Variants in VWA3B observed in about 807,000 individuals in gnomAD.
The protein encoded by VWA3B is von Willebrand factor A domain-containing protein 3B.
Under a neutral mutation model 158.3 loss-of-function variants are expected in VWA3B, and 138 were observed. The ratio of observed to expected loss-of-function variants is 0.87; its 90% CI spans 0.76 to 1.00. VWA3B has a LOEUF of 1.00. VWA3B is among the 50% of genes least tolerant of loss of function. The probability of loss-of-function intolerance (pLI) is 0.00; values close to 1 mark genes in which losing one functional copy is unlikely to be tolerated. For missense variants in VWA3B, 1,555 were observed against 1,565.1 expected (o/e 0.99, Z 0.11); for synonymous variants, 596 against 587.3 (o/e 1.01, Z -0.21).
chr2:98,301,461 A>G (rs1441535339), intron 25 of VWA3B, among the ~76,000 whole-genome samples: 2 of 152,232 alleles, frequency 1.3e-5, no homozygotes, highest in African/African-American at 2.4e-5. Context: ...TTATCTATGT[A>G]TACCCTACAG....
chr2:98,216,350 A>T (rs1683986318), intron 13 of VWA3B, among the ~76,000 whole-genome samples: 2 of 152,344 alleles, frequency 1.3e-5, no homozygotes, highest in South Asian at 4.1e-4. Flanking sequence ...TCATTTTGGG[A>T]ATTCTTTAAA....
At chr2:98,243,579 C>T (rs187479142) in intron 19 of VWA3B, among the ~76,000 whole-genome samples, 365 of 152,204 alleles carry the variant, frequency 2.4e-3, no homozygotes, top group Non-Finnish European at 3.9e-3. Context: ...TGTGATCCAC[C>T]TGCCTCGCTC....
intron 12 of VWA3B, among the ~76,000 whole-genome samples, chr2:98,203,911 A>G (rs1325470565): frequency 6.6e-6 from 1 of 152,250 alleles, no homozygotes; most frequent in Non-Finnish European, 1.5e-5. Context: ...TAAATGGTAA[A>G]AATCATAACA....
intron 5 of VWA3B, among the ~76,000 whole-genome samples, chr2:98,127,208 T>C (rs1209369471): frequency 1.3e-5 from 2 of 152,218 alleles, no homozygotes; most frequent in Non-Finnish European, 2.9e-5. Flanking sequence ...TGAGAGGATA[T>C]GGATTCCTGG....
chr2:98,261,069 AT>A (rs1212440861), intron 21 of VWA3B, among the ~76,000 whole-genome samples: 1 of 151,652 alleles, frequency 6.6e-6, no homozygotes, highest in Non-Finnish European at 1.5e-5. Flanking sequence ...CCATTGTGCT[AT>A]TTGTTTTGCA....
intron 3 of VWA3B, 150 bp from the exon 4 acceptor site, chr2:98,119,363 A>T: frequency 1.2e-6 from 1 of 862,920 alleles, no homozygotes; most frequent in South Asian, 1.9e-5. Context: ...TTTTCTGTTG[A>T]AAGACTGGAA....
At chr2:98,209,109 G>A (rs1333850799) in intron 12 of VWA3B, among the ~76,000 whole-genome samples, 1 of 151,862 alleles carries the variant, frequency 6.6e-6, no homozygotes, top group South Asian at 2.1e-4. Flanking sequence ...CTCTTTTATA[G>A]GTAACGTGTT....
At chr2:98,120,786 T>C (rs1674896116) in intron 4 of VWA3B, among the ~76,000 whole-genome samples, 1 of 152,236 alleles carries the variant, frequency 6.6e-6, no homozygotes, top group Non-Finnish European at 1.5e-5. Context: ...TAAAAACTAA[T>C]ACTCTGTTGA....
At chr2:98,166,769 G>A (rs1375911926) in intron 8 of VWA3B, among the ~76,000 whole-genome samples, 1 of 144,396 alleles carries the variant, frequency 6.9e-6, no homozygotes, top group Non-Finnish European at 1.5e-5. Context: ...ACTGGGCAAT[G>A]ATGTATCAGT....
At chr2:98,167,927 T>G (rs1000418141) in intron 8 of VWA3B, among the ~76,000 whole-genome samples, 1 of 152,174 alleles carries the variant, frequency 6.6e-6, no homozygotes, top group Non-Finnish European at 1.5e-5. Flanking sequence ...TGGGCCCTCC[T>G]AAGAAATCAT....
At chr2:98,304,892 C>T (rs1219757058) in intron 26 of VWA3B, among the ~76,000 whole-genome samples, 1 of 152,144 alleles carries the variant, frequency 6.6e-6, no homozygotes, top group Non-Finnish European at 1.5e-5. Flanking sequence ...CCAGCATGCT[C>T]CCTGCCCTTC....
chr2:98,219,667 A>T (rs926195954), intron 14 of VWA3B, among the ~76,000 whole-genome samples: 13 of 152,226 alleles, frequency 8.5e-5, no homozygotes, highest in African/African-American at 2.9e-4. Flanking sequence ...GCAATGACAA[A>T]GAGAACATCT....
intron 7 of VWA3B, among the ~76,000 whole-genome samples, chr2:98,144,274 G>A (rs1459049481): frequency 2.6e-5 from 4 of 151,960 alleles, no homozygotes; most frequent in Non-Finnish European, 5.9e-5. Context: ...TGTCATTATT[G>A]TCATAACCAT....
At chr2:98,314,324 GAGGAAATT>G (rs1295044285), downstream of VWA3B, among the ~76,000 whole-genome samples, 2 of 152,242 alleles carry the variant, frequency 1.3e-5, no homozygotes, top group Non-Finnish European at 2.9e-5. Flanking sequence ...GCATGGCTGT[GAGGAAATT>G]ACTGAAGACC....
intron 22 of VWA3B, among the ~76,000 whole-genome samples, chr2:98,286,157 A>G (rs1689154480): frequency 6.6e-6 from 1 of 152,090 alleles, no homozygotes. Flanking sequence ...TTGTTAATTA[A>G]TTCTAGTAGT....
chr2:98,139,401 G>A (rs929651762), intron 7 of VWA3B, among the ~76,000 whole-genome samples: 37 of 152,368 alleles, frequency 2.4e-4, no homozygotes, highest in Middle Eastern at 6.8e-3. Context: ...CACGGTGCAG[G>A]ACTGGCAGGC....
rs939216357 is a variant in VWA3B, at chr2:98,275,261, A to C, written c.3045+4378A>C. On this transcript the variant is annotated intron_variant, in intron 22 of 27. Coordinates refer to ENST00000477737, the MANE Select transcript of VWA3B (RefSeq NM_144992.5). ...AGAGGCACAGTGAGAGGAAAAGCAG[A>C]TTTTCAGGGAAAGGTAGTTCACTTT... Among the ~76,000 whole-genome samples the C allele has an allele frequency of 3.9e-5, 6 of 152,204 alleles. No homozygotes were observed. In the East Asian group the frequency reaches 1.2e-3, roughly 29 times the overall value.
At chr2:98,206,731 C>T (rs1280459263) in intron 12 of VWA3B, 1 of 333,838 alleles carries the variant, frequency 3.0e-6, no homozygotes, top group East Asian at 7.1e-5. Flanking sequence ...TCCTCACTCC[C>T]TAGCCAAGAG....
chr2:98,124,680 T>C (rs1364530164), intron 5 of VWA3B, among the ~76,000 whole-genome samples: 3 of 152,202 alleles, frequency 2.0e-5, no homozygotes, highest in Admixed American at 2.0e-4. Flanking sequence ...GCTGTTCTGG[T>C]TGACTTTCTT....
Sources: allele counts gnomAD v4.1 joint callset (sites outside exome capture counted in the v4.1 genomes callset), GRCh38; gene constraint gnomAD v4.1.1; transcripts MANE v1.5; gene names NCBI Gene and HGNC (gene_info 2026-07-23, HGNC 2026-07-21).